Variants in NFIB observed in about 807,000 individuals in gnomAD.
NFIB encodes nuclear factor 1 B-type.
In NFIB, 11 loss-of-function variants were observed where a neutral mutation model predicts 61.5. The ratio of observed to expected loss-of-function variants is 0.18; its 90% CI spans 0.11 to 0.30. The LOEUF (loss-of-function observed/expected upper bound fraction) is 0.30. Among genes scored for constraint, NFIB ranks in the 10% least tolerant of loss-of-function variants. The pLI is 1.00. For missense variants in NFIB, 471 were observed against 608.9 expected (o/e 0.77, Z 2.38); for synonymous variants, 260 against 216.5 (o/e 1.20, Z -1.76).
chr9:14,187,027 A>ATATGTGTGTGTGTG (rs1491093222), intron 2 of NFIB, among the ~76,000 whole-genome samples: 13 of 61,036 alleles, frequency 2.1e-4, no homozygotes, highest in African/African-American at 4.8e-4. Context: ...GTGTGTGTGT[A>ATATGTGTGTGTGTG]TGTGTGTGTG....
chr9:14,512,288 C>T, the NFIB span, among the ~76,000 whole-genome samples: 1 of 151,980 alleles, frequency 6.6e-6, no homozygotes, highest in Admixed American at 6.6e-5. Flanking sequence ...TATGAAATGC[C>T]CAAATTTATT....
At chr9:14,329,156 C>G (rs1365621520) in intron 1 of NFIB, among the ~76,000 whole-genome samples, 1 of 152,168 alleles carries the variant, frequency 6.6e-6, no homozygotes, top group East Asian at 1.9e-4. Flanking sequence ...AGATCAAATG[C>G]TCTTCTTATA....
chr9:14,453,554 T>G, the NFIB span, among the ~76,000 whole-genome samples: 1 of 152,238 alleles, frequency 6.6e-6, no homozygotes, highest in Non-Finnish European at 1.5e-5. Context: ...AAAGCCTCTC[T>G]TCTGAGGCAT....
upstream of NFIB, among the ~76,000 whole-genome samples, chr9:14,314,970 A>G (rs2060473204): frequency 6.6e-6 from 1 of 151,628 alleles, no homozygotes; most frequent in African/African-American, 2.4e-5. Flanking sequence ...CGAGAAAGGA[A>G]CGAGTGGAAA....
chr9:14,483,463 C>T, the NFIB span, among the ~76,000 whole-genome samples: 3,960 of 152,262 alleles, frequency 0.026, 71 homozygotes, highest in Middle Eastern at 0.054. Flanking sequence ...CAGGACGCTT[C>T]CCTAATTTTC....
At position 14,131,350 on chromosome 9, in the gene NFIB, C is replaced by T. The variant is rs559703317; in HGVS notation, c.926-5584G>A. Among the ~76,000 whole-genome samples the T allele has an allele frequency of 2.6e-5, 4 of 152,250 alleles. No homozygotes were observed. In the East Asian group the frequency reaches 7.7e-4, roughly 29 times the overall value. ...CAAATTATCACACGATTTTTCCTGA[C>T]CATACTATATATATTTTTGGCACTG... On this transcript the variant is annotated intron_variant, in intron 6 of 10. Coordinates refer to ENST00000380953, the MANE Select transcript of NFIB (RefSeq NM_001190737.2).
chr9:14,303,374 T>A (rs924636911), intron 2 of NFIB, among the ~76,000 whole-genome samples: 5 of 152,278 alleles, frequency 3.3e-5, no homozygotes, highest in Admixed American at 1.3e-4. Flanking sequence ...GCTTGCCTGG[T>A]TTTTGTTTGG....
chr9:14,420,876 A>G, the NFIB span, among the ~76,000 whole-genome samples: 2 of 152,304 alleles, frequency 1.3e-5, no homozygotes, highest in East Asian at 3.9e-4. Flanking sequence ...AATTGCCATA[A>G]TTCAATTAAC....
At chr9:14,111,413 G>T (rs1381191801) in intron 10 of NFIB, among the ~76,000 whole-genome samples, 1 of 152,006 alleles carries the variant, frequency 6.6e-6, no homozygotes, top group African/African-American at 2.4e-5. Flanking sequence ...TAGCATTTGG[G>T]GCTAAAGGTT....
At chr9:14,284,618 T>G (rs1269304934) in intron 2 of NFIB, among the ~76,000 whole-genome samples, 2 of 152,220 alleles carry the variant, frequency 1.3e-5, no homozygotes, top group Non-Finnish European at 2.9e-5. Flanking sequence ...ATACGTTCTT[T>G]GTTCATCTAT....
At chr9:14,492,087 A>G in the NFIB span, among the ~76,000 whole-genome samples, 2 of 152,124 alleles carry the variant, frequency 1.3e-5, no homozygotes, top group Non-Finnish European at 2.9e-5. Flanking sequence ...AAGAGAGCCG[A>G]GCGCGGTGGC....
chr9:14,499,591 C>A, the NFIB span, among the ~76,000 whole-genome samples: 1 of 152,156 alleles, frequency 6.6e-6, no homozygotes, highest in Admixed American at 6.5e-5. Context: ...ATCTCTATAG[C>A]AACTTGAAAA....
At chr9:14,246,269 C>A (rs1454640383) in intron 2 of NFIB, among the ~76,000 whole-genome samples, 1 of 152,110 alleles carries the variant, frequency 6.6e-6, no homozygotes. Flanking sequence ...CTTGCATTGG[C>A]AAGGCACTGG....
At chr9:14,258,160 T>C (rs1441254924) in intron 2 of NFIB, among the ~76,000 whole-genome samples, 1 of 152,200 alleles carries the variant, frequency 6.6e-6, no homozygotes, top group Non-Finnish European at 1.5e-5. Flanking sequence ...TTATCATCAC[T>C]GAGAACATTC....
intron 2 of NFIB, among the ~76,000 whole-genome samples, chr9:14,191,221 G>A (rs938875081): frequency 3.3e-5 from 5 of 151,996 alleles, no homozygotes; most frequent in East Asian, 1.9e-4. Context: ...CCAACTACTC[G>A]AGAGGCTAAG....
chr9:14,495,098 G>C, the NFIB span, among the ~76,000 whole-genome samples: 4 of 152,278 alleles, frequency 2.6e-5, no homozygotes, highest in Non-Finnish European at 4.4e-5. Flanking sequence ...TGGAGATATA[G>C]GCAAAATGAT....
chr9:14,399,909 C>G, upstream of NFIB, among the ~76,000 whole-genome samples: 1 of 152,042 alleles, frequency 6.6e-6, no homozygotes, highest in East Asian at 1.9e-4. Flanking sequence ...CACTCTTGTC[C>G]CTGGCCATCT....
At chr9:14,490,759 C>G in the NFIB span, among the ~76,000 whole-genome samples, 161 of 152,322 alleles carry the variant, frequency 1.1e-3, 1 homozygote, top group African/African-American at 3.7e-3. Context: ...TACCATCTTA[C>G]TATCCAACGC....
At chr9:14,207,221 C>T (rs966110808) in intron 2 of NFIB, among the ~76,000 whole-genome samples, 1 of 152,198 alleles carries the variant, frequency 6.6e-6, no homozygotes, top group South Asian at 2.1e-4. Context: ...CCAAGCCAAA[C>T]TGACCCCAGA....
Sources: allele counts gnomAD v4.1 joint callset (sites outside exome capture counted in the v4.1 genomes callset), GRCh38; gene constraint gnomAD v4.1.1; transcripts MANE v1.5; gene names NCBI Gene and HGNC (gene_info 2026-07-23, HGNC 2026-07-21).